MCM5: variants seen among roughly 807,000 people sequenced by gnomAD.
MCM5 encodes the protein DNA replication licensing factor MCM5.
Under a neutral mutation model 79.9 loss-of-function variants are expected in MCM5, and 46 were observed. The observed-to-expected ratio is 0.58, with a 90% confidence interval of 0.45 to 0.74. The LOEUF is 0.74. Ranked by LOEUF, MCM5 falls within the 30% of genes least tolerant of loss-of-function variation. MCM5 has a pLI of 0.00. For synonymous variants in MCM5, 404 were observed against 390.5 expected (o/e 1.03, Z -0.41); for missense variants, 883 against 1,017.0 (o/e 0.87, Z 1.79).
rs774435172 is a variant in MCM5, at chr22:35,416,766, C to T, written c.1542C>T (p.Phe514=). 36 of 1,613,892 alleles carry T rather than the reference C, an allele frequency of 2.2e-5. 1 individual carries two copies. In the East Asian group the frequency reaches 3.3e-4, roughly 15 times the overall value. ...IDFMPTILSR[F]DMIFIVKDEH... Reference sequence around the variant, plus strand: ...TCATGCCCACCATCTTGTCGCGCTTCGACATGATCTTCATCGTCAAGGATG... The same window carrying T: ...TCATGCCCACCATCTTGTCGCGCTTTGACATGATCTTCATCGTCAAGGATG... Residue 514 remains phenylalanine (F), a synonymous_variant, in exon 12 of 17, where the codon TTC becomes TTT. Transcript: ENST00000216122.
chr22:35,452,666 T>C, the MCM5 span, among the ~76,000 whole-genome samples: 30,435 of 152,074 alleles, frequency 0.2, 3,414 homozygotes, highest in African/African-American at 0.31. Context: ...GGCTTTTCGT[T>C]GACTCTGCAG....
chr22:35,429,515 C>T (rs1932799180), downstream of MCM5, among the ~76,000 whole-genome samples: 1 of 151,788 alleles, frequency 6.6e-6, no homozygotes, highest in African/African-American at 2.4e-5. Flanking sequence ...TCCTCCTCAC[C>T]CCTCCTGCCC....
At chr22:35,453,819 T>TATAGAGAGAGAGAGAGAGAGAGAG in the MCM5 span, among the ~76,000 whole-genome samples, 1 of 81,534 alleles carries the variant, frequency 1.2e-5, no homozygotes, top group African/African-American at 6.0e-5. Context: ...TATATATATA[T>TATAGAGAGAGAGAGAGAGAGAGAG]AGAGAGAGAG....
In MCM5 at chr22:35,416,328, T is replaced by C; in HGVS notation, c.1348-11T>C. 1 of 1,613,368 alleles carries C rather than the reference T, an allele frequency of 6.2e-7. No individual in the cohort carries two copies. The highest frequency in any genetic ancestry group is 8.5e-7 in the Non-Finnish European group (1 of 1,179,614). ...AGTAGGTCTGATGATATTTCTCTCTTCCCCACTTAGATGCGAGAAGATGAC... is the reference window on the plus strand; with the variant it reads ...AGTAGGTCTGATGATATTTCTCTCTCCCCCACTTAGATGCGAGAAGATGAC... On this transcript the variant is annotated splice_polypyrimidine_tract_variant and intron_variant, in intron 10 of 16. Coordinates refer to ENST00000216122, the MANE Select transcript of MCM5 (RefSeq NM_006739.4).
intron 13 of MCM5, 107 bp from the exon 14 acceptor site, chr22:35,419,777 G>A: frequency 8.5e-7 from 1 of 1,181,328 alleles, no homozygotes; most frequent in Non-Finnish European, 1.2e-6. Flanking sequence ...CAGCTGTGGT[G>A]TGGTGGGAAA....
chr22:35,408,441 C>A lies in MCM5; in HGVS notation c.630C>A (p.Asp210Glu). ...CTGGGCGCCCCAAATGCCCATTGGACCCGTACTTCATCATGCCCGACAAAT... is the reference window on the plus strand; with the variant it reads ...CTGGGCGCCCCAAATGCCCATTGGAACCGTACTTCATCATGCCCGACAAAT... ...DQAGRPKCPL[D>E]PYFIMPDKCK... Residue 210 changes from aspartate to glutamate, a missense_variant, in exon 6 of 17, where the codon GAC (aspartate) becomes GAA (glutamate). Asp to Glu is a conservative substitution (Grantham distance 45). This residue lies in a region of MCM5 where 455 missense variants were observed against 517.5 expected (regional missense o/e 0.88). Coordinates refer to ENST00000216122, the MANE Select transcript of MCM5 (RefSeq NM_006739.4). 6.2e-7 allele frequency: 1 copy of A among 1,614,196 alleles called. No individual in the cohort carries two copies. Among genetic ancestry groups the A allele is most frequent in the Non-Finnish European group, 8.5e-7 (1 of 1,180,010 alleles).
chr22:35,416,362 A>C lies in MCM5; in HGVS notation c.1371A>C (p.Ala457=). Reference sequence around the variant, plus strand: ...AGATGCGAGAAGATGACCGTGTGGCAATCCACGAAGCCATGGAGCAGCAGA... The same window carrying C: ...AGATGCGAGAAGATGACCGTGTGGCCATCCACGAAGCCATGGAGCAGCAGA... ...FDKMREDDRV[A]IHEAMEQQTI... is the part of the protein sequence containing the mutation. Residue 457 remains alanine, a synonymous_variant, in exon 11 of 17, where the codon GCA becomes GCC. Transcript: ENST00000216122. 6.2e-7 allele frequency: 1 copy of C among 1,613,616 alleles called. No homozygotes were observed. Among genetic ancestry groups the C allele is most frequent in the Non-Finnish European group, 8.5e-7 (1 of 1,180,018 alleles).
chr22:35,410,735 TC>T lies in MCM5; in HGVS notation c.753-7del. On this transcript the variant is annotated splice_region_variant and splice_polypyrimidine_tract_variant and intron_variant, in intron 6 of 16. Transcript: ENST00000216122. ...AGCTTTTCTCCTTTCTCCTCTACCCTCCTCTCAGGTACCTGTGTGACAAGGT... is the reference window on the plus strand; with the variant it reads ...AGCTTTTCTCCTTTCTCCTCTACCCTCTCTCAGGTACCTGTGTGACAAGGT... 7 of 1,613,502 alleles carry T rather than the reference TC, an allele frequency of 4.3e-6. No individual in the cohort carries two copies. The highest frequency in any genetic ancestry group is 5.9e-6 in the Non-Finnish European group (7 of 1,179,472).
chr22:35,439,744 CTG>C, the MCM5 span, among the ~76,000 whole-genome samples: 1 of 152,206 alleles, frequency 6.6e-6, no homozygotes, highest in African/African-American at 2.4e-5. Context: ...CTTACTAACT[CTG>C]TGAAGTTGGG....
chr22:35,421,517 C>G (rs1432293567), intron 15 of MCM5, 57 bp downstream of exon 15: 1 of 1,610,980 alleles, frequency 6.2e-7, no homozygotes, highest in Non-Finnish European at 8.5e-7. Context: ...GCTCGGAGCT[C>G]TGTGGGCAGG....
chr22:35,442,357 GA>G, the MCM5 span, among the ~76,000 whole-genome samples: 167 of 130,594 alleles, frequency 1.3e-3, 1 homozygote, highest in South Asian at 7.8e-3. Flanking sequence ...TACTAAAAAA[GA>G]AAAAAAAAAA....
Position 35,400,839 on chromosome 22 carries a change from G to A in MCM5, c.167+234G>A, listed in dbSNP as rs184221282. ...TATTAACGTATTTGTTTATTATTTT[G>A]AGACGGAGTCTCGCTCTGTCGCCAG... On this transcript the variant is annotated intron_variant, in intron 2 of 16. Transcript: ENST00000216122. Among the ~76,000 whole-genome samples the A allele has an allele frequency of 7.2e-5, 11 of 152,228 alleles. No individual in the cohort carries two copies. The East Asian group carries it at 1.7e-3, about 24-fold the overall frequency.
chr22:35,443,604 G>T, the MCM5 span, among the ~76,000 whole-genome samples: 1 of 152,190 alleles, frequency 6.6e-6, no homozygotes, highest in Non-Finnish European at 1.5e-5. Context: ...ACACCCTTGG[G>T]CTGTGCCTTC....
At position 35,415,962 on chromosome 22, in the gene MCM5, A is replaced by T. The variant is rs202231625; in HGVS notation, c.1337A>T (p.Glu446Val). The T allele has an allele frequency of 1.1e-4, 174 of 1,612,446 alleles. No homozygotes were observed. The highest frequency in any genetic ancestry group is 8.5e-7 in the Non-Finnish European group (1 of 1,178,724). The change falls in exon 10 of 17, where the codon GAG becomes GTG. Residue 446 changes from glutamate to valine, a missense_variant. By Grantham distance (121) the Glu-to-Val change is moderately radical. This residue lies in a region of MCM5 where 426 missense variants were observed against 482.3 expected (regional missense o/e 0.88). Coordinates refer to ENST00000216122, the MANE Select transcript of MCM5 (RefSeq NM_006739.4). ...LADGGVVCID[E>V]FDKMREDDRV... ...GATGGTGGGGTCGTCTGTATTGACGAGTTTGACAAGGTGAGTCTGATGAGG... is the reference window on the plus strand; with the variant it reads ...GATGGTGGGGTCGTCTGTATTGACGTGTTTGACAAGGTGAGTCTGATGAGG...
chr22:35,437,337 A>G, the MCM5 span, among the ~76,000 whole-genome samples: 1 of 152,328 alleles, frequency 6.6e-6, no homozygotes, highest in East Asian at 1.9e-4. Context: ...ATTCATGGAC[A>G]CCAAAAGAGA....
intron 9 of MCM5, among the ~76,000 whole-genome samples, 161 bp downstream of exon 9, chr22:35,414,147 G>A (rs563192595): frequency 6.6e-6 from 1 of 152,288 alleles, no homozygotes; most frequent in South Asian, 2.1e-4. Flanking sequence ...ATGGGAGGAA[G>A]AAGGGAGCCA....
the MCM5 span, among the ~76,000 whole-genome samples, chr22:35,441,143 G>C: frequency 6.6e-6 from 1 of 152,226 alleles, no homozygotes; most frequent in Non-Finnish European, 1.5e-5. Flanking sequence ...AGGAATGTGC[G>C]GGGAAAGGGG....
chr22:35,412,522 C>A lies in MCM5; in HGVS notation c.932C>A (p.Ala311Asp). 1 of 1,559,338 alleles carries A rather than the reference C, an allele frequency of 6.4e-7. No individual in the cohort carries two copies. Among genetic ancestry groups the A allele is most frequent in the Non-Finnish European group, 8.7e-7 (1 of 1,151,614 alleles). ...VDTDGSGRSF[A>D]GAVSPQEEEE... ...TTTGCCTACCAAGGCCGCAGCTTTG[C>A]TGGGGCCGTGAGCCCCCAGGAGGAG... The change falls in exon 8 of 17, where the codon GCT (alanine) becomes GAT (aspartate). Residue 311 changes from alanine (A) to aspartate (D), a missense_variant. Coordinates refer to ENST00000216122, the MANE Select transcript of MCM5 (RefSeq NM_006739.4).
At chr22:35,450,604 C>T in the MCM5 span, among the ~76,000 whole-genome samples, 15 of 152,304 alleles carry the variant, frequency 9.8e-5, no homozygotes, top group African/African-American at 3.4e-4. Flanking sequence ...AGAATCCAAC[C>T]GGAGCCACAG....
Sources: gnomAD v4.1 joint callset for allele counts (sites outside exome capture counted in the v4.1 genomes callset) on GRCh38, gnomAD v4.1.1 for gene constraint, gnomAD v4.1.1 regional missense constraint, MANE v1.5 for transcripts, NCBI Gene and HGNC (gene_info 2026-07-23, HGNC 2026-07-21) for gene names.